Variants in RYR3 observed in about 807,000 individuals in gnomAD.
RYR3 encodes the protein brain ryanodine receptor-calcium release channel.
In RYR3, 207 loss-of-function variants were observed where a neutral mutation model predicts 584.3. That is an observed-to-expected ratio of 0.35 (90% CI 0.32 to 0.40). The LOEUF (loss-of-function observed/expected upper bound fraction) is 0.40, where lower values mean the gene tolerates loss of function less well. Ranked by LOEUF, RYR3 falls within the 10% of genes least tolerant of loss-of-function variation. The pLI is 1.00. For synonymous variants in RYR3, 2,416 were observed against 2,248.5 expected (o/e 1.07, Z -2.11); for missense variants, 5,616 against 6,089.2 (o/e 0.92, Z 2.59).
chr15:33,589,404 T>C (rs2059016759), intron 16 of RYR3, among the ~76,000 whole-genome samples: 1 of 152,232 alleles, frequency 6.6e-6, no homozygotes, highest in Non-Finnish European at 1.5e-5. Flanking sequence ...TCCTATTCTA[T>C]AGGTTTTCTG....
chr15:33,659,233 T>C (rs1000131901), intron 32 of RYR3, among the ~76,000 whole-genome samples: 1 of 152,174 alleles, frequency 6.6e-6, no homozygotes, highest in African/African-American at 2.4e-5. Flanking sequence ...AACCCTACCA[T>C]GGGATCTCCA....
intron 3 of RYR3, among the ~76,000 whole-genome samples, chr15:33,513,807 A>C (rs767728428): frequency 1.4e-4 from 21 of 152,192 alleles, no homozygotes; most frequent in Admixed American, 2.6e-4. Flanking sequence ...CTCTGAACTA[A>C]ATGAGTGGCT....
At chr15:33,725,196 C>CACATATAT (rs2152811858) in intron 45 of RYR3, among the ~76,000 whole-genome samples, 2 of 131,146 alleles carry the variant, frequency 1.5e-5, no homozygotes, top group South Asian at 2.4e-4. Context: ...CACACACACA[C>CACATATAT]ACACACATAT....
At chr15:33,805,723 C>T (rs576677405) in intron 69 of RYR3, among the ~76,000 whole-genome samples, 3,715 of 151,012 alleles carry the variant, frequency 0.025, 77 homozygotes, top group South Asian at 0.06. Flanking sequence ...ATGATCCGCC[C>T]GCCTCGGCCT....
chr15:33,650,721 C>T (rs1317412025), intron 31 of RYR3, among the ~76,000 whole-genome samples: 7 of 152,176 alleles, frequency 4.6e-5, no homozygotes, highest in Admixed American at 4.6e-4. Flanking sequence ...TGTCAGCCTT[C>T]CCTATACGTG....
chr15:33,585,870 T>C (rs2058822992), intron 15 of RYR3, 128 bp from the exon 16 acceptor site: 1 of 612,616 alleles, frequency 1.6e-6, no homozygotes, highest in Non-Finnish European at 2.9e-6. Context: ...TGGAAAGATT[T>C]GATAGATTCA....
Position 33,865,418 on chromosome 15 carries a change from A to T in RYR3, c.*192A>T. 7.5e-6 allele frequency: 4 copies of T among 530,758 alleles called. No homozygotes were observed. In the South Asian group the frequency reaches 1.1e-4, roughly 15 times the overall value. The allele number at this position is 530,758 out of a possible 1,614,324, so 32.9% of individuals were successfully genotyped here. On this transcript the variant is annotated 3_prime_UTR_variant, in exon 104 of 104. Coordinates refer to ENST00000634891, the MANE Select transcript of RYR3 (RefSeq NM_001036.6). ...GTGCCTAATGGACATACACTGTGGGAGAGAACCTGTCAAAATGTCGAAGAA... is the reference window on the plus strand; with the variant it reads ...GTGCCTAATGGACATACACTGTGGGTGAGAACCTGTCAAAATGTCGAAGAA...
intron 3 of RYR3, among the ~76,000 whole-genome samples, chr15:33,511,326 CT>C (rs2052975871): frequency 9.4e-6 from 1 of 106,388 alleles, no homozygotes. Flanking sequence ...TTTTTTCTCT[CT>C]TTAAAAAAAA....
At chr15:33,632,469 T>G (rs1250565797) in intron 23 of RYR3, among the ~76,000 whole-genome samples, 2 of 152,348 alleles carry the variant, frequency 1.3e-5, no homozygotes, top group Non-Finnish European at 1.5e-5. Flanking sequence ...TCTGACATCA[T>G]TCTTTTTTTA....
chr15:33,392,093 C>T (rs186048372), intron 1 of RYR3, among the ~76,000 whole-genome samples: 25 of 151,808 alleles, frequency 1.6e-4, no homozygotes, highest in Admixed American at 9.2e-4. Flanking sequence ...GCTTGATGTC[C>T]GTTTCCCCCA....
chr15:33,853,998 C>T (rs986687816), intron 96 of RYR3, among the ~76,000 whole-genome samples: 2 of 152,032 alleles, frequency 1.3e-5, no homozygotes, highest in African/African-American at 4.8e-5. Flanking sequence ...TCGATACCAG[C>T]CTGGCCAACA....
At chr15:33,782,156 G>A (rs1171055319) in intron 65 of RYR3, among the ~76,000 whole-genome samples, 1 of 151,568 alleles carries the variant, frequency 6.6e-6, no homozygotes, top group East Asian at 1.9e-4. Flanking sequence ...TGGGGAAAGA[G>A]AGAAACTGCC....
intron 86 of RYR3, among the ~76,000 whole-genome samples, chr15:33,832,123 G>A (rs984953648): frequency 2.0e-5 from 3 of 151,918 alleles, no homozygotes; most frequent in South Asian, 2.1e-4. Flanking sequence ...GTGCAATCTC[G>A]TCTCTACTAA....
At chr15:33,494,275 A>C (rs1311645477) in intron 2 of RYR3, among the ~76,000 whole-genome samples, 2 of 152,172 alleles carry the variant, frequency 1.3e-5, no homozygotes, top group African/African-American at 4.8e-5. Flanking sequence ...AGCTTTCTAG[A>C]ATGAGCTTTT....
At chr15:33,444,142 C>T (rs979915355) in intron 1 of RYR3, among the ~76,000 whole-genome samples, 2 of 151,904 alleles carry the variant, frequency 1.3e-5, no homozygotes, top group Non-Finnish European at 2.9e-5. Context: ...TTTTTTTTCT[C>T]CATTTCATGG....
At chr15:33,836,752 G>A (rs547471456) in intron 87 of RYR3, among the ~76,000 whole-genome samples, 154 bp from the exon 88 acceptor site, 8 of 152,266 alleles carry the variant, frequency 5.3e-5, no homozygotes, top group South Asian at 4.2e-4. Context: ...AACAGTGGAC[G>A]ATAAGGCATC....
chr15:33,750,489 A>C (rs1460569862), intron 57 of RYR3, among the ~76,000 whole-genome samples: 5 of 152,370 alleles, frequency 3.3e-5, no homozygotes, highest in East Asian at 1.9e-4. Flanking sequence ...GTGACAACAA[A>C]GAATTATTAC....
At chr15:33,468,734 G>A (rs1205805118) in intron 1 of RYR3, among the ~76,000 whole-genome samples, 1 of 152,160 alleles carries the variant, frequency 6.6e-6, no homozygotes, top group Non-Finnish European at 1.5e-5. Flanking sequence ...TTATAATTGG[G>A]TGCATAATAG....
chr15:33,409,734 G>A (rs1171257344), intron 1 of RYR3, among the ~76,000 whole-genome samples: 1 of 152,194 alleles, frequency 6.6e-6, no homozygotes, highest in African/African-American at 2.4e-5. Context: ...GAGAATCTTA[G>A]GAGTTGCCCA....
Sources: gnomAD v4.1 joint callset for allele counts (sites outside exome capture counted in the v4.1 genomes callset) on GRCh38, gnomAD v4.1.1 for gene constraint, MANE v1.5 for transcripts, NCBI Gene and HGNC (gene_info 2026-07-23, HGNC 2026-07-21) for gene names.